The following DPY19L1 variants were observed in gnomAD, a reference collection of about 807,000 sequenced individuals.
The protein encoded by DPY19L1 is protein C-mannosyl-transferase DPY19L1.
DPY19L1 carries 35 observed loss-of-function variants against 96.9 expected under a neutral mutation model. The observed-to-expected ratio is 0.36, with a 90% CI of 0.28 to 0.48. The LOEUF (loss-of-function observed/expected upper bound fraction) is 0.48. Ranked by LOEUF, DPY19L1 falls within the 20% of genes least tolerant of loss-of-function variation. The pLI, the probability that DPY19L1 is intolerant of heterozygous loss-of-function variation, is 0.99. For missense variants in DPY19L1, 521 were observed against 777.9 expected (o/e 0.67, Z 3.93); for synonymous variants, 205 against 252.6 (o/e 0.81, Z 1.79).
chr7:34,992,180 G>T (rs577655562), intron 6 of DPY19L1, among the ~76,000 whole-genome samples: 1 of 152,192 alleles, frequency 6.6e-6, no homozygotes, highest in South Asian at 2.1e-4. Context: ...TTTCTCCTTA[G>T]ATAGGTGAAA....
intron 1 of DPY19L1, among the ~76,000 whole-genome samples, chr7:35,020,776 T>C (rs749920723): frequency 5.3e-5 from 8 of 152,316 alleles, no homozygotes; most frequent in Admixed American, 2.0e-4. Flanking sequence ...TGGCATGATC[T>C]TGGCTCACTG....
intron 11 of DPY19L1, 46 bp from the exon 12 acceptor site, chr7:34,955,413 A>G (rs1332428090): frequency 6.3e-7 from 1 of 1,583,442 alleles, no homozygotes; most frequent in African/African-American, 1.4e-5. Flanking sequence ...ATACTTATAG[A>G]CATAAATTCA....
chr7:34,955,483 T>C (rs1784358928), intron 11 of DPY19L1, 116 bp from the exon 12 acceptor site: 8 of 1,349,552 alleles, frequency 5.9e-6, no homozygotes, highest in Admixed American at 4.7e-5. Flanking sequence ...TAGCACATGG[T>C]TGACTTTCCA....
chr7:35,010,752 G>A (rs328940), intron 5 of DPY19L1, among the ~76,000 whole-genome samples, 191 bp from the exon 6 acceptor site: 39,813 of 152,012 alleles, frequency 0.26, 5,410 homozygotes, highest in Non-Finnish European at 0.31. Flanking sequence ...AGCAATGATG[G>A]TTTTAAAACA....
rs1301052281 is a variant in DPY19L1, at chr7:34,940,289, A to G, written c.1728T>C (p.Ala576=). 6.2e-7 allele frequency: 1 copy of G among 1,610,878 alleles called. No homozygotes were observed. The highest frequency in any genetic ancestry group is 8.5e-7 in the Non-Finnish European group (1 of 1,179,614). ...GWLFCKVHPG[A]IVFAILAAMS... ...TTGCTGCTAATATAGCAAACACAAT[A>G]GCACCAGGATGTACTTTGCAAAAGA... Residue 576 remains alanine (A), a synonymous_variant, in exon 19 of 22, where the codon GCT becomes GCC. Transcript: ENST00000638088.
chr7:35,019,685 T>C (rs1304611798), intron 1 of DPY19L1, among the ~76,000 whole-genome samples: 1 of 152,226 alleles, frequency 6.6e-6, no homozygotes, highest in Non-Finnish European at 1.5e-5. Flanking sequence ...AAGTCAGTTA[T>C]ATTTTTTCAT....
chr7:34,961,834 C>CA (rs899456186), intron 10 of DPY19L1, among the ~76,000 whole-genome samples: 14 of 151,962 alleles, frequency 9.2e-5, no homozygotes, highest in Admixed American at 7.9e-4. Context: ...GACACTTCAC[C>CA]AAAAAAGATA....
intron 21 of DPY19L1, 89 bp downstream of exon 21, chr7:34,937,905 C>T: frequency 7.2e-7 from 1 of 1,388,442 alleles, no homozygotes. Context: ...GTTATATACA[C>T]ACCCCCGCCA....
rs1783713814 is a variant in DPY19L1 at position 34,929,836 on chromosome 7, A to G, written c.*1737T>C. 6.6e-6 allele frequency: 1 copy of G among 152,266 alleles called. No homozygotes were observed. The highest frequency in any genetic ancestry group is 2.4e-5 in the African/African-American group (1 of 41,466). The allele number at this position is 152,266 out of a possible 1,614,324, so 9.4% of individuals were successfully genotyped here. A position where few individuals can be genotyped will look rare whatever the true frequency, so the allele number is the denominator to read the frequency against. On this transcript the variant is annotated 3_prime_UTR_variant, in exon 22 of 22. Transcript: ENST00000638088. ...GCCTAAGAAATAAAAACAGTCAACC[A>G]GCAAATGAGAAACAGTGGCCACAAA...
chr7:34,976,001 C>T (rs981171796), intron 7 of DPY19L1, among the ~76,000 whole-genome samples: 8 of 152,160 alleles, frequency 5.3e-5, no homozygotes, highest in African/African-American at 1.9e-4. Flanking sequence ...ATTAATGTTG[C>T]CTTCATGCCT....
chr7:34,945,291 A>G (rs1455588474), intron 16 of DPY19L1, among the ~76,000 whole-genome samples: 1 of 152,068 alleles, frequency 6.6e-6, no homozygotes, highest in African/African-American at 2.4e-5. Flanking sequence ...TATTTTCTGT[A>G]AAAAGTGAGG....
intron 9 of DPY19L1, among the ~76,000 whole-genome samples, chr7:34,967,710 C>T (rs1215360880): frequency 6.6e-6 from 1 of 152,082 alleles, no homozygotes; most frequent in Non-Finnish European, 1.5e-5. Flanking sequence ...TAAATTCTTC[C>T]CGTCCTACTA....
chr7:35,025,265 A>C (rs1786094342), intron 1 of DPY19L1, among the ~76,000 whole-genome samples: 1 of 152,168 alleles, frequency 6.6e-6, no homozygotes, highest in African/African-American at 2.4e-5. Context: ...CAAGTATCTA[A>C]ATGCCTATTA....
rs549307890 is a variant in DPY19L1 at position 35,035,860 on chromosome 7, C to A, written c.298+1237G>T. On this transcript the variant is annotated intron_variant, in intron 1 of 21. Coordinates refer to ENST00000638088, the MANE Select transcript of DPY19L1 (RefSeq NM_001366673.1). The stretch of plus-strand genomic sequence containing the variant: ...TATCGTGCTGCCTCCCCAAGGTGAG[C>A]TTTTCTAACCTGCATACTAGCCAGC... Among the ~76,000 whole-genome samples, 3 of 150,392 alleles carry A rather than the reference C, an allele frequency of 2.0e-5. No individual in the cohort carries two copies. The East Asian group carries it at 6.1e-4, about 31-fold the overall frequency.
chr7:34,982,857 C>CT (rs528119556), intron 7 of DPY19L1, among the ~76,000 whole-genome samples: 32 of 152,254 alleles, frequency 2.1e-4, no homozygotes, highest in African/African-American at 7.5e-4. Flanking sequence ...AGATCACAAT[C>CT]TCACACAGCA....
At chr7:34,967,265 A>T (rs1474370336) in intron 9 of DPY19L1, among the ~76,000 whole-genome samples, 1 of 152,220 alleles carries the variant, frequency 6.6e-6, no homozygotes, top group East Asian at 1.9e-4. Context: ...CAACATGTAC[A>T]ATTAAAAAGT....
chr7:34,995,315 T>TA (rs1785258574), intron 6 of DPY19L1, among the ~76,000 whole-genome samples: 1 of 144,566 alleles, frequency 6.9e-6, no homozygotes, highest in South Asian at 2.2e-4. Flanking sequence ...TAGCATTCCC[T>TA]AGTGGTTAAA....
chr7:34,931,387 T>C lies in DPY19L1; in HGVS notation c.*186A>G. The C allele has an allele frequency of 1.3e-6, 1 of 758,466 alleles. No individual in the cohort carries two copies. Among genetic ancestry groups the C allele is most frequent in the Non-Finnish European group, 1.9e-6 (1 of 529,590 alleles). 47.0% of individuals were successfully genotyped at this position (758,466 alleles called of 1,614,324 possible). On this transcript the variant is annotated 3_prime_UTR_variant, in exon 22 of 22. Transcript: ENST00000638088. ...AATTTTAAAGGGTGCATTGAAATAG[T>C]AACCAATTGATAAAGGTGTAAGTCA...
chr7:35,030,200 A>G (rs760260773), intron 1 of DPY19L1, among the ~76,000 whole-genome samples: 1 of 152,252 alleles, frequency 6.6e-6, no homozygotes. Context: ...CTGAAAAGCT[A>G]TATTATAAAA....
Sources: gnomAD v4.1 joint callset for allele counts (sites outside exome capture counted in the v4.1 genomes callset) on GRCh38, gnomAD v4.1.1 for gene constraint, MANE v1.5 for transcripts, NCBI Gene and HGNC (gene_info 2026-07-23, HGNC 2026-07-21) for gene names.